The following BABAM2 variants were observed in gnomAD, a reference collection of about 807,000 sequenced individuals.
BABAM2 encodes BRISC and BRCA1-A complex member 2.
Under a neutral mutation model 54.7 loss-of-function variants are expected in BABAM2, and 31 were observed. That is an observed-to-expected ratio of 0.57 (90% CI 0.43 to 0.77). The LOEUF (loss-of-function observed/expected upper bound fraction) is 0.77, where lower values mean the gene tolerates loss of function less well. BABAM2 is among the 30% of genes least tolerant of loss of function. The probability of loss-of-function intolerance (pLI) is 0.00; values close to 1 mark genes in which losing one functional copy is unlikely to be tolerated. For missense variants in BABAM2, 364 were observed against 455.8 expected (o/e 0.80, Z 1.83); for synonymous variants, 167 against 162.9 (o/e 1.03, Z -0.19).
In BABAM2 at chr2:28,267,167, GGAAA is replaced by G. The variant is rs375470523; in HGVS notation, c.934+22321_934+22324del. Among the ~76,000 whole-genome samples the G allele has an allele frequency of 3.4e-3, 522 of 151,914 alleles. 4 individuals carry two copies. The highest frequency in any genetic ancestry group is 0.012 in the African/African-American group (480 of 41,438). Reference sequence around the variant, plus strand: ...GTGAAACTCTGTCTCCAAAAAAGAAGGAAAGAAAGAAAGAAAGAATACAAAGATC... The same window carrying G: ...GTGAAACTCTGTCTCCAAAAAAGAAGGAAAGAAAGAAAGAATACAAAGATC... On this transcript the variant is annotated intron_variant, in intron 10 of 11. Coordinates refer to ENST00000379624, the MANE Select transcript of BABAM2 (RefSeq NM_199191.3).
chr2:28,160,640 T>G (rs1330862022), intron 7 of BABAM2, among the ~76,000 whole-genome samples: 1 of 152,128 alleles, frequency 6.6e-6, no homozygotes, highest in Non-Finnish European at 1.5e-5. Context: ...TTTAATGTTT[T>G]TTTTTTTAGC....
intron 2 of BABAM2, 106 bp from the exon 3 acceptor site, chr2:27,929,726 C>T: frequency 1.0e-6 from 1 of 991,030 alleles, no homozygotes; most frequent in Non-Finnish European, 1.5e-6. Context: ...GTGTTTTAAT[C>T]TGTTTTGTAT....
chr2:27,980,208 G>A (rs1241982311), intron 3 of BABAM2, among the ~76,000 whole-genome samples: 2 of 152,004 alleles, frequency 1.3e-5, no homozygotes. Context: ...CTCTGATCCT[G>A]CTTTTATTTC....
intron 6 of BABAM2, among the ~76,000 whole-genome samples, chr2:28,118,489 CAT>C (rs1450453882): frequency 1.3e-5 from 2 of 152,168 alleles, no homozygotes; most frequent in Non-Finnish European, 2.9e-5. Context: ...AGCTCTTTTT[CAT>C]ATGTTTGTTG....
At chr2:28,098,254 T>G (rs2148704105) in intron 6 of BABAM2, among the ~76,000 whole-genome samples, 1 of 152,322 alleles carries the variant, frequency 6.6e-6, no homozygotes, top group East Asian at 1.9e-4. Context: ...TTTGAATAAG[T>G]CTCTAATTTT....
chr2:28,310,448 T>G, intron 11 of BABAM2: 1 of 313,558 alleles, frequency 3.2e-6, no homozygotes, highest in Non-Finnish European at 6.0e-6. Context: ...CACTGGAAGC[T>G]TCTCTGAGAG....
chr2:28,258,803 G>A (rs1471068403), intron 10 of BABAM2, among the ~76,000 whole-genome samples: 1 of 151,096 alleles, frequency 6.6e-6, no homozygotes, highest in Non-Finnish European at 1.5e-5. Context: ...TTGAGATGGA[G>A]TCTCACTCTG....
At chr2:28,024,933 G>T (rs184004320) in intron 4 of BABAM2, among the ~76,000 whole-genome samples, 111 of 152,226 alleles carry the variant, frequency 7.3e-4, no homozygotes, top group Non-Finnish European at 1.2e-3. Context: ...GGTCTTCTAG[G>T]ATATTTAGGT....
At chr2:28,302,627 G>A (rs1032183469) in intron 11 of BABAM2, among the ~76,000 whole-genome samples, 10 of 152,170 alleles carry the variant, frequency 6.6e-5, no homozygotes, top group African/African-American at 2.4e-4. Context: ...GGGAGTGGGA[G>A]TACATATGTG....
At position 27,997,943 on chromosome 2, in the gene BABAM2, A is replaced by G. The variant is rs1029008751; in HGVS notation, c.300+9856A>G. On this transcript the variant is annotated intron_variant, in intron 4 of 11. Coordinates refer to ENST00000379624, the MANE Select transcript of BABAM2 (RefSeq NM_199191.3). The stretch of plus-strand genomic sequence containing the variant: ...GCTGAGGTGGGTGGATCATGAGGTC[A>G]GGAGTTTGAGACAAGCCTGACCAAC... Among the ~76,000 whole-genome samples, 3 of 152,264 alleles carry G rather than the reference A, an allele frequency of 2.0e-5. No individual in the cohort carries two copies. In the South Asian group the frequency reaches 6.2e-4, roughly 32 times the overall value.
At chr2:28,112,154 C>A (rs1236121162) in intron 6 of BABAM2, among the ~76,000 whole-genome samples, 1 of 12,546 alleles carries the variant, frequency 8.0e-5, no homozygotes, top group East Asian at 2.9e-3. Context: ...TCTTTACCTC[C>A]CTCCCTCCCT....
Position 28,236,128 on chromosome 2 carries a change from A to C in BABAM2, c.681-1074A>C, listed in dbSNP as rs139840984. Among the ~76,000 whole-genome samples, 46 of 152,300 alleles carry C rather than the reference A, an allele frequency of 3.0e-4. 1 individual carries two copies. The East Asian group carries it at 8.5e-3, about 28-fold the overall frequency. ...TAAGGGATTTTAGGGATTTTTAAAAATATCCCATCATATTACAGAGAGGGT... is the reference window on the plus strand; with the variant it reads ...TAAGGGATTTTAGGGATTTTTAAAACTATCCCATCATATTACAGAGAGGGT... On this transcript the variant is annotated intron_variant, in intron 7 of 11. Transcript: ENST00000379624.
chr2:28,298,656 G>T (rs1687884302), intron 11 of BABAM2, among the ~76,000 whole-genome samples, 165 bp downstream of exon 11: 1 of 152,176 alleles, frequency 6.6e-6, no homozygotes. Flanking sequence ...ATTATCTGTG[G>T]CCGCTTTAAT....
intron 8 of BABAM2, 118 bp from the exon 9 acceptor site, chr2:28,241,205 T>C (rs1682397721): frequency 5.4e-6 from 5 of 920,418 alleles, no homozygotes; most frequent in Non-Finnish European, 8.5e-6. Context: ...ATGTAGGTAG[T>C]GGGAATACCG....
chr2:28,111,171 T>TG (rs1203029782), intron 6 of BABAM2, among the ~76,000 whole-genome samples: 1 of 149,160 alleles, frequency 6.7e-6, no homozygotes, highest in East Asian at 2.0e-4. Context: ...TTAGTAGAGA[T>TG]GGGGTTTCAC....
chr2:28,170,635 C>G (rs1674219362), intron 7 of BABAM2, among the ~76,000 whole-genome samples: 1 of 152,034 alleles, frequency 6.6e-6, no homozygotes, highest in Non-Finnish European at 1.5e-5. Context: ...GATAGTATCA[C>G]ATTTTTAAGA....
chr2:28,228,816 C>T (rs1460024424), intron 7 of BABAM2, among the ~76,000 whole-genome samples: 1 of 152,116 alleles, frequency 6.6e-6, no homozygotes, highest in African/African-American at 2.4e-5. Context: ...CTAAGAAAAT[C>T]CTGATGGTGG....
chr2:28,278,096 G>A (rs1248207515), intron 10 of BABAM2, among the ~76,000 whole-genome samples: 2 of 152,218 alleles, frequency 1.3e-5, no homozygotes, highest in Non-Finnish European at 2.9e-5. Context: ...TGATTTTTAG[G>A]ATAAGTGAGT....
intron 7 of BABAM2, among the ~76,000 whole-genome samples, chr2:28,176,297 C>T (rs538915408): frequency 1.1e-4 from 16 of 152,104 alleles, no homozygotes; most frequent in South Asian, 4.2e-4. Context: ...TGGCCAGGCA[C>T]GGTGACTCAT....
Sources: gnomAD v4.1 joint callset for allele counts (sites outside exome capture counted in the v4.1 genomes callset) on GRCh38, gnomAD v4.1.1 for gene constraint, MANE v1.5 for transcripts, NCBI Gene and HGNC (gene_info 2026-07-23, HGNC 2026-07-21) for gene names.